TBL1X: variants seen among roughly 807,000 people sequenced by gnomAD.
TBL1X encodes the protein transducin beta like 1 X-linked.
Under a neutral mutation model 50.7 loss-of-function variants are expected in TBL1X, and 10 were observed. That is an observed-to-expected ratio of 0.20 (90% CI 0.12 to 0.33). The LOEUF (loss-of-function observed/expected upper bound fraction) is 0.33. TBL1X is among the 10% of genes least tolerant of loss of function. TBL1X has a pLI of 1.00. For synonymous variants in TBL1X, 190 were observed against 214.7 expected (o/e 0.88, Z 1.01); for missense variants, 340 against 504.4 (o/e 0.67, Z 3.12).
chrX:9,605,982 C>T (rs1437289992), intron 2 of TBL1X, among the ~76,000 whole-genome samples: 1 of 112,269 alleles, frequency 8.9e-6, no homozygotes, highest in Non-Finnish European at 1.9e-5. Flanking sequence ...AAACTACAAA[C>T]GTTAATGATC....
rs961507017 is a variant in TBL1X at position 9,620,741 on chromosome X, C to T, written c.-130-19532C>T. ...GCAGAGGTGTGCACGGTGAACAAAG[C>T]CTACAGTGCTTTGCCGGCCATAATA... On this transcript the variant is annotated intron_variant, in intron 2 of 17. Coordinates refer to ENST00000645353, the MANE Select transcript of TBL1X (RefSeq NM_005647.4). 2.7e-5 allele frequency among the ~76,000 whole-genome samples: 3 copies of T among 111,604 alleles called. No homozygotes were observed. In the Admixed American group the frequency reaches 2.8e-4, roughly 11 times the overall value.
rs188929495 is a variant in TBL1X at position 9,617,992 on chromosome X, A to T, written c.-130-22281A>T. On this transcript the variant is annotated intron_variant, in intron 2 of 17. Transcript: ENST00000645353. ...AGCATCCCAGGACCCAGGAGATACCAGTAGCACCGCCTCCCCCAGTTGTGG... is the reference window on the plus strand; with the variant it reads ...AGCATCCCAGGACCCAGGAGATACCTGTAGCACCGCCTCCCCCAGTTGTGG... Among the ~76,000 whole-genome samples, 463 of 111,418 alleles carry T rather than the reference A, an allele frequency of 4.2e-3. 5 individuals are homozygous for T. The highest frequency in any genetic ancestry group is 0.013 in the African/African-American group (408 of 30,605).
At chrX:9,668,487 T>C (rs1357479475) in intron 5 of TBL1X, among the ~76,000 whole-genome samples, 1 of 112,509 alleles carries the variant, frequency 8.9e-6, no homozygotes, top group Admixed American at 9.4e-5. Flanking sequence ...TTTACCACTT[T>C]TAGCAATTGA....
chrX:9,702,029 A>G (rs1204105708), intron 12 of TBL1X, among the ~76,000 whole-genome samples: 1 of 111,664 alleles, frequency 9.0e-6, no homozygotes, highest in African/African-American at 3.3e-5. Flanking sequence ...TATGGAGGAT[A>G]AACACATGGA....
At chrX:9,568,583 T>A (rs2082364551) in intron 2 of TBL1X, among the ~76,000 whole-genome samples, 1 of 109,725 alleles carries the variant, frequency 9.1e-6, no homozygotes, top group Non-Finnish European at 1.9e-5. Context: ...ATGTTGTGTC[T>A]ATCTGTGCAG....
chrX:9,600,468 G>GC (rs2082549770), intron 2 of TBL1X, among the ~76,000 whole-genome samples: 1 of 80,505 alleles, frequency 1.2e-5, no homozygotes, highest in Non-Finnish European at 2.4e-5. Context: ...AATTTGGTGG[G>GC]CGGGGGGGGG....
At chrX:9,539,320 A>G (rs769648144) in intron 2 of TBL1X, among the ~76,000 whole-genome samples, 10 of 111,451 alleles carry the variant, frequency 9.0e-5, no homozygotes, top group Non-Finnish European at 1.7e-4. Context: ...CACCTTGTCA[A>G]GTTAACCTTT....
At chrX:9,502,031 G>A (rs777624689) in intron 2 of TBL1X, among the ~76,000 whole-genome samples, 182 bp downstream of exon 2, 3 of 112,569 alleles carry the variant, frequency 2.7e-5, no homozygotes, top group Non-Finnish European at 5.6e-5. Context: ...ACATGTGGCT[G>A]TGGAGTGCTT....
rs780936892 is a variant in TBL1X, at chrX:9,660,008, G to A, written c.211+5686G>A. The stretch of plus-strand genomic sequence containing the variant: ...TACCTTCCCCTCCTTAAGCAGTGCC[G>A]TTGGTCTAACCTTCTGCTTAAAAAT... On this transcript the variant is annotated intron_variant, in intron 5 of 17. Coordinates refer to ENST00000645353, the MANE Select transcript of TBL1X (RefSeq NM_005647.4). Among the ~76,000 whole-genome samples the A allele has an allele frequency of 1.1e-4, 12 of 112,336 alleles. No homozygotes were observed. In the South Asian group the frequency reaches 4.1e-3, roughly 38 times the overall value.
chrX:9,556,135 G>C (rs1247519216), intron 2 of TBL1X, among the ~76,000 whole-genome samples: 1 of 109,295 alleles, frequency 9.1e-6, no homozygotes, highest in African/African-American at 3.3e-5. Flanking sequence ...GCTGCAGTGA[G>C]CTATGATTGT....
chrX:9,528,803 C>G, intron 2 of TBL1X, among the ~76,000 whole-genome samples: 1 of 110,035 alleles, frequency 9.1e-6, no homozygotes, highest in Non-Finnish European at 1.9e-5. Context: ...CTCTGGGTCT[C>G]GGCTTGTCCT....
intron 3 of TBL1X, among the ~76,000 whole-genome samples, chrX:9,652,325 C>T (rs759789105): frequency 3.2e-4 from 36 of 111,994 alleles, no homozygotes; most frequent in Non-Finnish European, 5.1e-4. Context: ...ACTCAAGGGT[C>T]GGGAGTATAC....
chrX:9,568,875 G>A (rs762624545), intron 2 of TBL1X, among the ~76,000 whole-genome samples: 3 of 106,277 alleles, frequency 2.8e-5, no homozygotes, highest in Non-Finnish European at 3.9e-5. Context: ...TGTTGTGTCC[G>A]TCTGTGCACC....
chrX:9,577,893 A>T (rs186559399), intron 2 of TBL1X, among the ~76,000 whole-genome samples: 2 of 112,490 alleles, frequency 1.8e-5, no homozygotes. Flanking sequence ...TATGAAGTTG[A>T]TGTTTGTCGT....
In TBL1X at chrX:9,471,632, G is replaced by C. The variant is rs753455913; in HGVS notation, c.-201+6185G>C. Reference sequence around the variant, plus strand: ...ATTTTAGTTCAGAAACCCACAGCGAGTCAGAAGGCGCTTTGTGCTGCTGGG... The same window carrying C: ...ATTTTAGTTCAGAAACCCACAGCGACTCAGAAGGCGCTTTGTGCTGCTGGG... On this transcript the variant is annotated intron_variant, in intron 1 of 17. Transcript: ENST00000645353. 1.1e-4 allele frequency among the ~76,000 whole-genome samples: 12 copies of C among 112,024 alleles called. No individual in the cohort carries two copies. In the East Asian group the frequency reaches 3.4e-3, roughly 31 times the overall value.
chrX:9,643,419 A>G (rs1369668050), intron 3 of TBL1X, among the ~76,000 whole-genome samples: 3 of 112,063 alleles, frequency 2.7e-5, no homozygotes, highest in African/African-American at 6.5e-5. Flanking sequence ...GGGGCATTAA[A>G]TTACAAAATT....
intron 2 of TBL1X, among the ~76,000 whole-genome samples, chrX:9,570,913 G>A (rs996827721): frequency 1.8e-5 from 2 of 110,858 alleles, no homozygotes; most frequent in East Asian, 5.6e-4. Context: ...TCCTGACCTC[G>A]TGATCTGCCC....
chrX:9,606,393 G>A (rs1057232577), intron 2 of TBL1X, among the ~76,000 whole-genome samples: 11 of 112,172 alleles, frequency 9.8e-5, no homozygotes, highest in African/African-American at 2.9e-4. Context: ...ATTTAGCCAC[G>A]TTCATGGCCT....
intron 1 of TBL1X, among the ~76,000 whole-genome samples, chrX:9,474,272 G>T (rs1043697559): frequency 2.7e-5 from 3 of 112,818 alleles, no homozygotes; most frequent in Admixed American, 9.3e-5. Context: ...TGCTGAAAAG[G>T]ATATATGATG....
Sources: gnomAD v4.1 joint callset for allele counts (sites outside exome capture counted in the v4.1 genomes callset) on GRCh38, gnomAD v4.1.1 for gene constraint, MANE v1.5 for transcripts, NCBI Gene and HGNC (gene_info 2026-07-23, HGNC 2026-07-21) for gene names.